Variants in ZBTB20 observed in about 807,000 individuals in gnomAD.
ZBTB20 encodes zinc finger and BTB domain-containing protein 20.
In ZBTB20, 9 loss-of-function variants were observed where a neutral mutation model predicts 56.9. The ratio of observed to expected loss-of-function variants is 0.16; its 90% CI spans 0.10 to 0.28. The LOEUF (loss-of-function observed/expected upper bound fraction) is 0.28, where lower values mean the gene tolerates loss of function less well. Ranked by LOEUF, ZBTB20 falls within the 10% of genes least tolerant of loss-of-function variation. The pLI, the probability that ZBTB20 is intolerant of heterozygous loss-of-function variation, is 1.00. For synonymous variants in ZBTB20, 417 were observed against 420.7 expected (o/e 0.99, Z 0.11); for missense variants, 655 against 1,003.0 (o/e 0.65, Z 4.69).
rs1306128218 is a variant in ZBTB20 at position 114,333,258 on chromosome 3, C to G, written c.*5747G>C. 2 of 152,206 alleles carry G rather than the reference C, an allele frequency of 1.3e-5. No homozygotes were observed. The highest frequency in any genetic ancestry group is 3.8e-4 in the East Asian group (2 of 5,202). 9.4% of individuals were successfully genotyped at this position (152,206 alleles called of 1,614,324 possible). ...GTTTAAGTGATATCAGAAATAGCAA[C>G]TCTACACGGAAAGCCCTTGGGAATA... On this transcript the variant is annotated 3_prime_UTR_variant, in exon 12 of 12. Transcript: ENST00000675478.
rs557199980 is a variant in ZBTB20, at chr3:114,350,491, T to C, written c.1587A>G (p.Pro529=). Residue 529 remains proline, a synonymous_variant, in exon 11 of 12, where the codon CCA becomes CCG. Transcript: ENST00000675478. ...SGPKPFLFSL[P]QPLAGQQTQF... is the part of the protein sequence containing the mutation. ...GGGTCTGCTGGCCTGCCAGGGGCTG[T>C]GGCAGGCTGAAGAGGAAAGGCTTGG... 3.3e-5 allele frequency: 53 copies of C among 1,614,094 alleles called. 2 individuals carry two copies. The South Asian group carries it at 4.7e-4, about 14-fold the overall frequency.
At chr3:114,383,004 A>T (rs931751413) in intron 8 of ZBTB20, among the ~76,000 whole-genome samples, 2 of 152,240 alleles carry the variant, frequency 1.3e-5, no homozygotes, top group Non-Finnish European at 2.9e-5. Flanking sequence ...TCAATAATTG[A>T]TTGTGGACAG....
intron 6 of ZBTB20, among the ~76,000 whole-genome samples, chr3:114,539,548 G>T (rs1395438297): frequency 6.6e-6 from 1 of 152,092 alleles, no homozygotes; most frequent in African/African-American, 2.4e-5. Flanking sequence ...ATCACACATG[G>T]TAAGCCTCGA....
At chr3:114,976,358 G>C (rs1032818223) in intron 2 of ZBTB20, among the ~76,000 whole-genome samples, 4 of 152,134 alleles carry the variant, frequency 2.6e-5, no homozygotes, top group Non-Finnish European at 5.9e-5. Flanking sequence ...GGGTGAGGTG[G>C]CTCACACCTG....
At chr3:114,457,294 G>A (rs1559815158) in intron 7 of ZBTB20, among the ~76,000 whole-genome samples, 1 of 152,278 alleles carries the variant, frequency 6.6e-6, no homozygotes, top group Non-Finnish European at 1.5e-5. Context: ...GTCCCATAGA[G>A]TTGTCTTAAG....
At chr3:115,095,344 A>G (rs2083341526) in intron 1 of ZBTB20, among the ~76,000 whole-genome samples, 1 of 152,134 alleles carries the variant, frequency 6.6e-6, no homozygotes, top group African/African-American at 2.4e-5. Flanking sequence ...CTGAACTACA[A>G]AACACCAAGG....
intron 7 of ZBTB20, among the ~76,000 whole-genome samples, chr3:114,411,140 G>A (rs150887730): frequency 2.6e-5 from 4 of 152,276 alleles, no homozygotes; most frequent in Non-Finnish European, 5.9e-5. Flanking sequence ...CAGCAAACAT[G>A]TACATGCAAA....
intron 5 of ZBTB20, among the ~76,000 whole-genome samples, chr3:114,751,199 T>G (rs1169750926): frequency 2.6e-5 from 4 of 152,268 alleles, no homozygotes; most frequent in Middle Eastern, 6.8e-3. Context: ...GACTTTTATG[T>G]GTTATTATTG....
intron 6 of ZBTB20, among the ~76,000 whole-genome samples, chr3:114,603,845 T>C (rs1343973608): frequency 6.6e-6 from 1 of 151,932 alleles, no homozygotes; most frequent in Non-Finnish European, 1.5e-5. Context: ...TATACCGAGA[T>C]ACCGTCTTTT....
At chr3:114,674,083 T>C (rs1266755792) in intron 6 of ZBTB20, among the ~76,000 whole-genome samples, 3 of 152,192 alleles carry the variant, frequency 2.0e-5, no homozygotes. Context: ...CTTCAGCTCT[T>C]ACATTATTTG....
chr3:114,990,090 G>T (rs1424738822), intron 2 of ZBTB20, among the ~76,000 whole-genome samples: 7 of 151,858 alleles, frequency 4.6e-5, no homozygotes, highest in South Asian at 2.1e-4. Context: ...TGAATACCCT[G>T]TATTTATTTC....
chr3:114,666,675 T>C (rs1170453486), intron 6 of ZBTB20, among the ~76,000 whole-genome samples: 1 of 152,026 alleles, frequency 6.6e-6, no homozygotes, highest in African/African-American at 2.4e-5. Flanking sequence ...ACTTCTTAAA[T>C]AAGAGAGGAA....
chr3:114,618,238 C>CTTTTTTTTTTTTTTT (rs111549198), intron 6 of ZBTB20, among the ~76,000 whole-genome samples: 2 of 119,288 alleles, frequency 1.7e-5, no homozygotes, highest in African/African-American at 3.2e-5. Context: ...TGTTTCTTTC[C>CTTTTTTTTTTTTTTT]TTTTTTTTTT....
intron 5 of ZBTB20, among the ~76,000 whole-genome samples, chr3:114,726,630 A>G (rs910475749): frequency 1.3e-5 from 2 of 152,134 alleles, no homozygotes; most frequent in Admixed American, 6.5e-5. Flanking sequence ...ACAGTGAGAT[A>G]GGCCGGGCGC....
chr3:114,765,169 G>A (rs1049074180), intron 5 of ZBTB20, among the ~76,000 whole-genome samples: 8 of 152,092 alleles, frequency 5.3e-5, no homozygotes, highest in African/African-American at 1.9e-4. Context: ...AATCATTGTG[G>A]TAAAGCTCTG....
chr3:114,500,108 G>A (rs1006770830), intron 7 of ZBTB20, among the ~76,000 whole-genome samples: 2 of 152,190 alleles, frequency 1.3e-5, no homozygotes, highest in Non-Finnish European at 2.9e-5. Context: ...AGCAGCTGCA[G>A]CCAAGTAAAG....
intron 6 of ZBTB20, among the ~76,000 whole-genome samples, chr3:114,540,949 C>T (rs1027000541): frequency 3.9e-5 from 6 of 151,950 alleles, no homozygotes; most frequent in East Asian, 1.9e-4. Context: ...GCTACTATGA[C>T]GATTTAAAGA....
Position 114,620,152 on chromosome 3 carries a change from C to A in ZBTB20, c.-295+73376G>T, listed in dbSNP as rs147468297. On this transcript the variant is annotated intron_variant, in intron 6 of 11. Transcript: ENST00000675478. ...CATGTTCCATCAGAAATTACCCAAG[C>A]ATTGTGGGGAACCTTAGCAATCTTA... Among the ~76,000 whole-genome samples the A allele has an allele frequency of 1.3e-3, 203 of 152,292 alleles. No individual in the cohort carries two copies. The Middle Eastern group carries it at 0.02, about 15-fold the overall frequency.
At position 114,499,247 on chromosome 3, in the gene ZBTB20, G is replaced by A. The variant is rs532287780; in HGVS notation, c.-255+1105C>T. Reference sequence around the variant, plus strand: ...CATTACACACAGCTCCAGTCTTTGGGGAGTTTAATCAATCTCCTTTCTCTG... The same window carrying A: ...CATTACACACAGCTCCAGTCTTTGGAGAGTTTAATCAATCTCCTTTCTCTG... On this transcript the variant is annotated intron_variant, in intron 7 of 11. Coordinates refer to ENST00000675478, the MANE Select transcript of ZBTB20 (RefSeq NM_001348800.3). Among the ~76,000 whole-genome samples, 4 of 152,254 alleles carry A rather than the reference G, an allele frequency of 2.6e-5. No individual in the cohort carries two copies. The East Asian group carries it at 7.7e-4, about 29-fold the overall frequency.
Sources: gnomAD v4.1 joint callset for allele counts (sites outside exome capture counted in the v4.1 genomes callset) on GRCh38, gnomAD v4.1.1 for gene constraint, MANE v1.5 for transcripts, NCBI Gene and HGNC (gene_info 2026-07-23, HGNC 2026-07-21) for gene names.